ROBO1: variants seen among roughly 807,000 people sequenced by gnomAD.
ROBO1 encodes roundabout guidance receptor 1.
Under a neutral mutation model 195.9 loss-of-function variants are expected in ROBO1, and 149 were observed. That is an observed-to-expected ratio of 0.76 (90% CI 0.67 to 0.87). The LOEUF is 0.87. Among genes scored for constraint, ROBO1 ranks in the 40% least tolerant of loss-of-function variants. The pLI is 0.00. For missense variants in ROBO1, 1,933 were observed against 2,068.3 expected, an observed-to-expected ratio of 0.93 and a Z score of 1.27; for synonymous variants, 816 against 733.2, an observed-to-expected ratio of 1.11 and a Z score of -1.82.
intron 2 of ROBO1, among the ~76,000 whole-genome samples, chr3:79,547,013 G>T (rs978272010): frequency 2.6e-5 from 4 of 151,430 alleles, no homozygotes; most frequent in Admixed American, 6.6e-5. Flanking sequence ...AAACCCATCT[G>T]TACTAAAAAT....
chr3:79,136,207 C>A (rs879857290), intron 2 of ROBO1, among the ~76,000 whole-genome samples: 5 of 152,068 alleles, frequency 3.3e-5, no homozygotes, highest in Non-Finnish European at 7.4e-5. Context: ...AGAGAAAAGC[C>A]TGTTGGTTTA....
At chr3:79,329,839 G>GGTA (rs1381264955) in intron 2 of ROBO1, among the ~76,000 whole-genome samples, 4 of 152,042 alleles carry the variant, frequency 2.6e-5, no homozygotes, top group Non-Finnish European at 4.4e-5. Flanking sequence ...ACCTTGTGGA[G>GGTA]GTAGTACAAT....
intron 2 of ROBO1, among the ~76,000 whole-genome samples, chr3:79,153,273 CAG>C (rs771412771): frequency 1.3e-5 from 2 of 151,734 alleles, no homozygotes; most frequent in Non-Finnish European, 2.9e-5. Context: ...CTATCTTTAT[CAG>C]AGAGCAGAGG....
chr3:78,796,889 G>A (rs1378215453), intron 4 of ROBO1, among the ~76,000 whole-genome samples: 1 of 152,070 alleles, frequency 6.6e-6, no homozygotes, highest in African/African-American at 2.4e-5. Flanking sequence ...ATCTCCTTCA[G>A]AAAAAAGTTA....
intron 1 of ROBO1, among the ~76,000 whole-genome samples, chr3:79,721,367 A>T (rs755506500): frequency 3.9e-5 from 6 of 152,272 alleles, no homozygotes; most frequent in African/African-American, 4.8e-5. Flanking sequence ...TATATCATAA[A>T]AAAACTAAAA....
chr3:79,470,588 T>C (rs1559922477), intron 2 of ROBO1, among the ~76,000 whole-genome samples: 1 of 152,160 alleles, frequency 6.6e-6, no homozygotes, highest in Non-Finnish European at 1.5e-5. Context: ...CCTTGAATTG[T>C]AATAATCCCC....
chr3:79,449,121 C>G (rs548522056), intron 2 of ROBO1, among the ~76,000 whole-genome samples: 1 of 152,104 alleles, frequency 6.6e-6, no homozygotes, highest in African/African-American at 2.4e-5. Flanking sequence ...ATCCCAGATA[C>G]TCAGGAAGAT....
Position 78,598,888 on chromosome 3 carries a change from G to C in ROBO1, c.*25C>G, listed in dbSNP as rs772247553. ...ATCTTGAGTGATGATTTTCACATTA[G>C]ATCTCATAAGCCTCTTGGTTGTCTT... On this transcript the variant is annotated 3_prime_UTR_variant, in exon 31 of 31. Transcript: ENST00000464233. 44 of 1,524,734 alleles carry C rather than the reference G, an allele frequency of 2.9e-5. No homozygotes were observed. The highest frequency in any genetic ancestry group is 3.7e-5 in the Non-Finnish European group (42 of 1,120,794). 94.5% of individuals were successfully genotyped at this position (1,524,734 alleles called of 1,614,324 possible). A position where few individuals can be genotyped will look rare whatever the true frequency, so the allele number is the denominator to read the frequency against.
chr3:79,284,490 CA>C (rs1422305934), intron 2 of ROBO1, among the ~76,000 whole-genome samples: 1 of 151,870 alleles, frequency 6.6e-6, no homozygotes, highest in African/African-American at 2.4e-5. Context: ...AATTAAAAAA[CA>C]AAAAACAAAC....
chr3:79,213,499 T>C (rs1441643647), intron 2 of ROBO1, among the ~76,000 whole-genome samples: 1 of 152,174 alleles, frequency 6.6e-6, no homozygotes, highest in African/African-American at 2.4e-5. Context: ...TGTTTAATTT[T>C]GTATGCTGTC....
intron 1 of ROBO1, among the ~76,000 whole-genome samples, chr3:79,730,324 T>C (rs1160215566): frequency 2.6e-5 from 4 of 152,214 alleles, no homozygotes; most frequent in Non-Finnish European, 5.9e-5. Context: ...GAATCAAATA[T>C]TGAGGACACT....
intron 2 of ROBO1, among the ~76,000 whole-genome samples, chr3:79,190,936 T>C (rs2081529240): frequency 6.6e-6 from 1 of 151,596 alleles, no homozygotes; most frequent in Admixed American, 6.6e-5. Context: ...CATATAAATA[T>C]ATTTCCCAGT....
At chr3:79,589,757 A>T (rs1428481903) in intron 2 of ROBO1, 67 bp downstream of exon 2, 4 of 1,295,882 alleles carry the variant, frequency 3.1e-6, no homozygotes, top group Admixed American at 1.8e-5. Flanking sequence ...ACACACAATA[A>T]AAAGTGAATT....
chr3:79,205,993 C>T (rs1227253615), intron 2 of ROBO1, among the ~76,000 whole-genome samples: 1 of 152,178 alleles, frequency 6.6e-6, no homozygotes, highest in Non-Finnish European at 1.5e-5. Flanking sequence ...CAAAGCTTCA[C>T]TTTCCTAGGT....
intron 2 of ROBO1, among the ~76,000 whole-genome samples, chr3:79,159,893 T>C (rs1188131040): frequency 6.6e-6 from 1 of 152,016 alleles, no homozygotes; most frequent in Non-Finnish European, 1.5e-5. Context: ...TTTACTAAGC[T>C]TTCTGGAAAA....
Position 79,263,961 on chromosome 3 carries a change from C to A in ROBO1, c.89-138422G>T, listed in dbSNP as rs562332708. 3.0e-4 allele frequency among the ~76,000 whole-genome samples: 46 copies of A among 152,162 alleles called. No individual in the cohort carries two copies. In the South Asian group the frequency reaches 9.1e-3, roughly 30 times the overall value. ...TCATCATCAGGTTATTGAATTTCTA[C>A]CTCCAAAATCTACCACAAATCCTTG... is the stretch of plus-strand genomic sequence containing the variant. On this transcript the variant is annotated intron_variant, in intron 2 of 30. Coordinates refer to ENST00000464233, the MANE Select transcript of ROBO1 (RefSeq NM_002941.4).
At chr3:79,225,471 C>T (rs911501249) in intron 2 of ROBO1, among the ~76,000 whole-genome samples, 10 of 152,274 alleles carry the variant, frequency 6.6e-5, no homozygotes, top group Non-Finnish European at 1.5e-5. Context: ...GTGTTTAGAA[C>T]CAGTATTCCT....
chr3:78,735,118 C>T (rs935677047), intron 5 of ROBO1, among the ~76,000 whole-genome samples: 2 of 152,072 alleles, frequency 1.3e-5, no homozygotes, highest in African/African-American at 2.4e-5. Context: ...TTTTGATCCA[C>T]GAAATATCTC....
intron 2 of ROBO1, among the ~76,000 whole-genome samples, chr3:79,145,218 T>A (rs1331455120): frequency 6.6e-6 from 1 of 151,918 alleles, no homozygotes; most frequent in South Asian, 2.1e-4. Flanking sequence ...TCAGGTAATT[T>A]ACTATAAACA....
Sources: allele counts gnomAD v4.1 joint callset (sites outside exome capture counted in the v4.1 genomes callset), GRCh38; gene constraint gnomAD v4.1.1; transcripts MANE v1.5; gene names NCBI Gene and HGNC (gene_info 2026-07-23, HGNC 2026-07-21).